Variants in PLCZ1 observed in about 807,000 individuals in gnomAD.
PLCZ1 encodes the protein 1-phosphatidylinositol 4,5-bisphosphate phosphodiesterase zeta-1.
PLCZ1 carries 64 observed loss-of-function variants against 76.8 expected under a neutral mutation model. The observed-to-expected ratio is 0.83, with a 90% CI of 0.68 to 1.03. The LOEUF (loss-of-function observed/expected upper bound fraction) is 1.03. Among genes scored for constraint, PLCZ1 ranks in the 50% least tolerant of loss-of-function variants. The probability of loss-of-function intolerance (pLI) is 0.00; values close to 1 mark genes in which losing one functional copy is unlikely to be tolerated. For missense variants in PLCZ1, 751 were observed against 713.7 expected (o/e 1.05, Z -0.60); for synonymous variants, 248 against 230.8 (o/e 1.07, Z -0.68).
rs191402877 is a variant in PLCZ1 at position 18,712,172 on chromosome 12, T to G, written c.714+670A>C. On this transcript the variant is annotated intron_variant, in intron 6 of 14. Coordinates refer to ENST00000266505, the MANE Select transcript of PLCZ1 (RefSeq NM_033123.4). ...TACTATAATTGAAGTACTTAAGAAATCAAGTGTGTTAAGTTTACAAAAACA... is the reference window on the plus strand; with the variant it reads ...TACTATAATTGAAGTACTTAAGAAAGCAAGTGTGTTAAGTTTACAAAAACA... Among the ~76,000 whole-genome samples the G allele has an allele frequency of 2.8e-3, 431 of 152,228 alleles. 2 individuals are homozygous for G. The highest frequency in any genetic ancestry group is 5.1e-3 in the Non-Finnish European group (348 of 67,990).
At chr12:18,721,499 A>G (rs1367888492) in intron 4 of PLCZ1, among the ~76,000 whole-genome samples, 1 of 152,058 alleles carries the variant, frequency 6.6e-6, no homozygotes, top group Non-Finnish European at 1.5e-5. Flanking sequence ...ACACAATTCC[A>G]AAGTGTCACT....
chr12:18,650,696 GTGTGTGTGTATATATCTATA>G, the PLCZ1 span, among the ~76,000 whole-genome samples: 1,796 of 43,490 alleles, frequency 0.041, 161 homozygotes, highest in South Asian at 0.065. Context: ...GTGTGTGTGT[GTGTGTGTGTATATATCTATA>G]TATATATATA....
intron 4 of PLCZ1, among the ~76,000 whole-genome samples, chr12:18,722,683 T>C (rs1958507509): frequency 6.6e-6 from 1 of 152,042 alleles, no homozygotes; most frequent in Admixed American, 6.6e-5. Flanking sequence ...TTTTTACCCA[T>C]TGAAAGATGG....
At chr12:18,654,252 T>C in the PLCZ1 span, among the ~76,000 whole-genome samples, 1 of 146,056 alleles carries the variant, frequency 6.8e-6, no homozygotes, top group Non-Finnish European at 1.5e-5. Context: ...AAAAGAGCAA[T>C]ACATTTTAGT....
At chr12:18,700,538 A>AAAAG (rs1370935394) in intron 9 of PLCZ1, among the ~76,000 whole-genome samples, 136 of 135,832 alleles carry the variant, frequency 1.0e-3, no homozygotes, top group South Asian at 1.6e-3. Flanking sequence ...AAAAAAAAAT[A>AAAAG]GTTGCTCTGC....
At position 18,723,474 on chromosome 12, in the gene PLCZ1, C is replaced by G; in HGVS notation, c.204G>C (p.Thr68=). ...AAATCTCAATAATTTCTTCTCTGTG[C>G]GTGATAATTCGATAAATTGCTCTAA... ...EEFRAIYRII[T]HREEIIEIFN... is the part of the protein sequence containing the mutation. The change falls in exon 4 of 15, where the codon ACG becomes ACC. Residue 68 remains threonine, a synonymous_variant. Transcript: ENST00000266505. 1 of 1,612,842 alleles carries G rather than the reference C, an allele frequency of 6.2e-7. No individual in the cohort carries two copies. The highest frequency in any genetic ancestry group is 8.5e-7 in the Non-Finnish European group (1 of 1,179,400).
In PLCZ1 at chr12:18,693,347, G is replaced by C. The variant is rs1307165024; in HGVS notation, c.1461+1563C>G. ...AGACCTATGCAGATACTGGGGGGTTGGACAACCAAATTCGGGAAATTAAGG... is the reference window on the plus strand; with the variant it reads ...AGACCTATGCAGATACTGGGGGGTTCGACAACCAAATTCGGGAAATTAAGG... On this transcript the variant is annotated intron_variant, in intron 12 of 14. Transcript: ENST00000266505. 7 of 1,586,696 alleles carry C rather than the reference G, an allele frequency of 4.4e-6. 1 individual carries two copies. In the African/African-American group the frequency reaches 5.4e-5, roughly 12 times the overall value.
At chr12:18,646,298 T>C in the PLCZ1 span, among the ~76,000 whole-genome samples, 3 of 152,180 alleles carry the variant, frequency 2.0e-5, no homozygotes, top group African/African-American at 7.2e-5. Flanking sequence ...AAAATATCAT[T>C]GTGAATGAGC....
chr12:18,656,197 G>A, the PLCZ1 span, among the ~76,000 whole-genome samples: 1 of 152,166 alleles, frequency 6.6e-6, no homozygotes, highest in African/African-American at 2.4e-5. Flanking sequence ...GTGAAGTTGA[G>A]ACGGAAGCAT....
chr12:18,685,664 A>T, intron 13 of PLCZ1: 1 of 516,270 alleles, frequency 1.9e-6, no homozygotes, highest in East Asian at 5.5e-5. Context: ...TTGACCTAAG[A>T]AGAGAAATAA....
At chr12:18,715,552 C>T (rs1324950024) in intron 5 of PLCZ1, 1 of 152,124 alleles carries the variant, frequency 6.6e-6, no homozygotes, top group Non-Finnish European at 1.5e-5. Context: ...CAGGCGCCCA[C>T]CACCACGCCT....
At chr12:18,708,155 C>T (rs761753718) in intron 6 of PLCZ1, among the ~76,000 whole-genome samples, 2 of 152,158 alleles carry the variant, frequency 1.3e-5, no homozygotes, top group Non-Finnish European at 2.9e-5. Flanking sequence ...TCTGACCTAC[C>T]TTTCTCCATT....
Position 18,684,278 on chromosome 12 carries a change from A to G in PLCZ1, c.1593T>C (p.Ala531=). The change falls in exon 14 of 15, where the codon GCT becomes GCC. Residue 531 remains alanine, a splice_region_variant and synonymous_variant. Transcript: ENST00000266505. ...KQQTRVIKKN[A]FSPRWNETFT... is the part of the protein sequence containing the mutation. ...ATGTTTCATTCCATCTTGGACTAAA[A>G]GCTGAAATATAAAAAAAGAAGATAC... The G allele has an allele frequency of 6.2e-7, 1 of 1,602,586 alleles. No homozygotes were observed. The highest frequency in any genetic ancestry group is 8.5e-7 in the Non-Finnish European group (1 of 1,171,220).
At chr12:18,712,185 G>A (rs1314004980) in intron 6 of PLCZ1, among the ~76,000 whole-genome samples, 1 of 152,012 alleles carries the variant, frequency 6.6e-6, no homozygotes, top group African/African-American at 2.4e-5. Context: ...AGTGTGTTAA[G>A]TTTACAAAAA....
chr12:18,704,428 C>A lies in PLCZ1; in HGVS notation c.864+738G>T, dbSNP rs1338643140. On this transcript the variant is annotated intron_variant, in intron 7 of 14. Coordinates refer to ENST00000266505, the MANE Select transcript of PLCZ1 (RefSeq NM_033123.4). ...GTAACCCCCGCCTCCCGGGTTCAAG[C>A]GATTCTCCTGCCTCAGTCTCCCTAG... Among the ~76,000 whole-genome samples, 5 of 152,124 alleles carry A rather than the reference C, an allele frequency of 3.3e-5. No homozygotes were observed. The East Asian group carries it at 9.7e-4, about 29-fold the overall frequency.
chr12:18,658,250 G>C, the PLCZ1 span, among the ~76,000 whole-genome samples: 1 of 152,026 alleles, frequency 6.6e-6, no homozygotes, highest in Non-Finnish European at 1.5e-5. Flanking sequence ...GAAGATAAGA[G>C]AGATAAAAAG....
intron 4 of PLCZ1, among the ~76,000 whole-genome samples, chr12:18,722,090 C>T (rs1958477012): frequency 6.6e-6 from 1 of 152,016 alleles, no homozygotes; most frequent in Non-Finnish European, 1.5e-5. Flanking sequence ...ACACTTCTCC[C>T]ATTTTGTCAT....
the PLCZ1 span, chr12:18,648,437 CAATTT>C: frequency 4.9e-6 from 1 of 203,354 alleles, no homozygotes; most frequent in Non-Finnish European, 1.0e-5. Flanking sequence ...TATCTGTAAT[CAATTT>C]TTAAAACTTA....
chr12:18,664,492 T>C, the PLCZ1 span, among the ~76,000 whole-genome samples: 14 of 152,152 alleles, frequency 9.2e-5, no homozygotes, highest in Non-Finnish European at 1.8e-4. Context: ...TTAGAGGGCA[T>C]TATGCTAAGT....
Sources: allele counts gnomAD v4.1 joint callset (sites outside exome capture counted in the v4.1 genomes callset), GRCh38; gene constraint gnomAD v4.1.1; transcripts MANE v1.5; gene names NCBI Gene and HGNC (gene_info 2026-07-23, HGNC 2026-07-21).